Variants in ERC2 observed in about 807,000 individuals in gnomAD.
ERC2 encodes the protein ELKS/RAB6-interacting/CAST family member 2.
In ERC2, 42 loss-of-function variants were observed where a neutral mutation model predicts 114.8. The observed-to-expected ratio is 0.37, with a 90% confidence interval of 0.29 to 0.47. The LOEUF is 0.47. Among genes scored for constraint, ERC2 ranks in the 20% least tolerant of loss-of-function variants. The pLI is 0.99. For synonymous variants in ERC2, 454 were observed against 425.5 expected (o/e 1.07, Z -0.82); for missense variants, 939 against 1,150.7 (o/e 0.82, Z 2.66).
chr3:55,512,227 G>A (rs1268646954), intron 17 of ERC2, among the ~76,000 whole-genome samples: 4 of 152,194 alleles, frequency 2.6e-5, no homozygotes, highest in African/African-American at 9.6e-5. Context: ...GCTATTTCAA[G>A]CCATCGTTAA....
intron 12 of ERC2, among the ~76,000 whole-genome samples, chr3:55,951,768 A>C (rs2067535037): frequency 2.0e-5 from 3 of 152,126 alleles, no homozygotes; most frequent in Admixed American, 2.0e-4. Flanking sequence ...AGTAAAAAAC[A>C]TACTGAGAAT....
intron 14 of ERC2, among the ~76,000 whole-genome samples, chr3:55,740,623 A>G (rs2065916575): frequency 6.6e-6 from 1 of 152,136 alleles, no homozygotes; most frequent in Admixed American, 6.6e-5. Context: ...ATACTTCAGG[A>G]TATTTGGCAA....
At chr3:55,567,069 G>A (rs1035156368) in intron 17 of ERC2, among the ~76,000 whole-genome samples, 8 of 152,206 alleles carry the variant, frequency 5.3e-5, no homozygotes, top group African/African-American at 1.4e-4. Context: ...AATCCAGAGC[G>A]AAATAAGAGA....
At chr3:56,289,996 A>G (rs930258063) in intron 3 of ERC2, among the ~76,000 whole-genome samples, 1 of 152,208 alleles carries the variant, frequency 6.6e-6, no homozygotes, top group Admixed American at 6.5e-5. Flanking sequence ...AATACTTGAT[A>G]ATTATGAGCT....
At chr3:56,229,090 A>C (rs2050439105) in intron 3 of ERC2, among the ~76,000 whole-genome samples, 1 of 152,194 alleles carries the variant, frequency 6.6e-6, no homozygotes, top group Admixed American at 6.5e-5. Context: ...TATACCCAAC[A>C]TATACTTATT....
chr3:55,574,344 G>T (rs146167170), intron 17 of ERC2, among the ~76,000 whole-genome samples: 21 of 152,226 alleles, frequency 1.4e-4, no homozygotes, highest in African/African-American at 5.1e-4. Context: ...ACTTTCCTTT[G>T]CCAAAGTCCC....
chr3:56,022,050 T>C (rs2073755675), intron 7 of ERC2, among the ~76,000 whole-genome samples: 1 of 152,242 alleles, frequency 6.6e-6, no homozygotes, highest in East Asian at 1.9e-4. Flanking sequence ...CATGTGTCTT[T>C]ATGGTAGAAT....
intron 17 of ERC2, among the ~76,000 whole-genome samples, chr3:55,583,421 T>C (rs1284100640): frequency 3.2e-5 from 4 of 125,788 alleles, no homozygotes; most frequent in African/African-American, 1.3e-4. Context: ...CTTCCTTCCT[T>C]CCTTCCTTCC....
At chr3:56,297,082 C>T (rs1408504514) in intron 2 of ERC2, among the ~76,000 whole-genome samples, 2 of 151,922 alleles carry the variant, frequency 1.3e-5, no homozygotes, top group Admixed American at 6.6e-5. Context: ...GTGGACAAAC[C>T]TTGGTTCTTC....
intron 17 of ERC2, among the ~76,000 whole-genome samples, chr3:55,587,259 T>C (rs969013483): frequency 1.3e-5 from 2 of 152,196 alleles, no homozygotes; most frequent in African/African-American, 4.8e-5. Flanking sequence ...GTTCAAGCGA[T>C]TCTCCTGCCT....
chr3:56,415,338 T>A (rs1335467623), intron 2 of ERC2, among the ~76,000 whole-genome samples: 1 of 152,206 alleles, frequency 6.6e-6, no homozygotes, highest in East Asian at 1.9e-4. Flanking sequence ...AAATATAATT[T>A]CCAAATTTAC....
intron 2 of ERC2, among the ~76,000 whole-genome samples, chr3:56,423,925 G>A (rs1370330581): frequency 2.6e-5 from 4 of 152,190 alleles, no homozygotes; most frequent in African/African-American, 9.7e-5. Flanking sequence ...ACTGGGGGTG[G>A]TGGGAATTTG....
At chr3:56,327,811 T>C (rs1185908170) in intron 2 of ERC2, among the ~76,000 whole-genome samples, 1 of 152,160 alleles carries the variant, frequency 6.6e-6, no homozygotes, top group African/African-American at 2.4e-5. Context: ...TTCCAGTTTA[T>C]ATGATGAAAC....
chr3:56,342,563 C>T (rs534666073), intron 2 of ERC2, among the ~76,000 whole-genome samples: 9 of 152,164 alleles, frequency 5.9e-5, no homozygotes, highest in Non-Finnish European at 1.3e-4. Flanking sequence ...TAGCATTCAA[C>T]ACACATTTTT....
intron 12 of ERC2, among the ~76,000 whole-genome samples, chr3:55,958,801 A>T (rs1416379434): frequency 6.6e-6 from 1 of 152,230 alleles, no homozygotes; most frequent in African/African-American, 2.4e-5. Flanking sequence ...GAGTGGGAAG[A>T]GGACAGGGAG....
chr3:55,586,340 C>T (rs1421615999), intron 17 of ERC2, among the ~76,000 whole-genome samples: 5 of 152,186 alleles, frequency 3.3e-5, no homozygotes, highest in Non-Finnish European at 5.9e-5. Context: ...ATTCATAACT[C>T]CCATATTACT....
intron 3 of ERC2, among the ~76,000 whole-genome samples, chr3:56,234,058 G>A (rs1036781911): frequency 6.6e-6 from 1 of 151,990 alleles, no homozygotes; most frequent in Non-Finnish European, 1.5e-5. Context: ...TCATCTTTAG[G>A]GAGATACGCC....
chr3:56,374,290 G>C (rs2059458953), intron 2 of ERC2, among the ~76,000 whole-genome samples: 1 of 152,060 alleles, frequency 6.6e-6, no homozygotes, highest in Non-Finnish European at 1.5e-5. Flanking sequence ...GTAGAGACGG[G>C]GTTTCAGCGT....
intron 3 of ERC2, among the ~76,000 whole-genome samples, chr3:56,221,061 T>C (rs12492253): frequency 8.0e-4 from 122 of 152,188 alleles, no homozygotes; most frequent in Admixed American, 2.6e-3. Context: ...CTATGATAGA[T>C]GAAGCAACCT....
Sources: allele counts gnomAD v4.1 joint callset (sites outside exome capture counted in the v4.1 genomes callset), GRCh38; gene constraint gnomAD v4.1.1; transcripts MANE v1.5; gene names NCBI Gene and HGNC (gene_info 2026-07-23, HGNC 2026-07-21).